The following ANKRD11 variants were observed in gnomAD, a reference collection of about 807,000 sequenced individuals.
The protein encoded by ANKRD11 is ankyrin repeat domain-containing protein 11.
A neutral mutation model predicts 195.7 loss-of-function variants in ANKRD11; 17 were observed. The observed-to-expected ratio is 0.09, with a 90% CI of 0.06 to 0.13. The LOEUF is 0.13. Among genes scored for constraint, ANKRD11 ranks in the 10% least tolerant of loss-of-function variants. The pLI, the probability that ANKRD11 is intolerant of heterozygous loss-of-function variation, is 1.00. For missense variants in ANKRD11, 3,735 were observed against 3,566.1 expected (o/e 1.05, Z -1.21); for synonymous variants, 1,953 against 1,528.1 (o/e 1.28, Z -6.49).
intron 1 of ANKRD11, among the ~76,000 whole-genome samples, chr16:89,460,969 A>ACCC (rs34732329): frequency 1.0e-4 from 6 of 58,988 alleles, no homozygotes; most frequent in African/African-American, 4.0e-4. Flanking sequence ...ATATCGTATG[A>ACCC]CCCCCCCCCC....
At chr16:89,474,827 G>A (rs1025019305) in intron 1 of ANKRD11, among the ~76,000 whole-genome samples, 1 of 152,164 alleles carries the variant, frequency 6.6e-6, no homozygotes, top group African/African-American at 2.4e-5. Flanking sequence ...TCAGAACACT[G>A]CATAACATCC....
chr16:89,465,032 T>C (rs895016214), intron 1 of ANKRD11, among the ~76,000 whole-genome samples: 4 of 152,180 alleles, frequency 2.6e-5, no homozygotes, highest in Admixed American at 6.5e-5. Flanking sequence ...AAAATAACAT[T>C]TTGTGGTAAG....
intron 2 of ANKRD11, among the ~76,000 whole-genome samples, chr16:89,405,240 T>C (rs2041858600): frequency 6.6e-6 from 1 of 152,136 alleles, no homozygotes; most frequent in Non-Finnish European, 1.5e-5. Flanking sequence ...GTACCACATA[T>C]GCGGTCTGTT....
intron 2 of ANKRD11, chr16:89,324,811 G>A (rs556863325): frequency 3.5e-6 from 1 of 285,312 alleles, no homozygotes; most frequent in South Asian, 3.1e-5. Flanking sequence ...TGAGGTTTGG[G>A]GACTCGGACT....
chr16:89,283,974 G>A lies in ANKRD11; in HGVS notation c.2568C>T (p.Asp856=). The A allele has an allele frequency of 1.2e-6, 2 of 1,614,122 alleles. No homozygotes were observed. The highest frequency in any genetic ancestry group is 8.5e-7 in the Non-Finnish European group (1 of 1,180,044). Residue 856 remains aspartate, a synonymous_variant, in exon 9 of 13, where the codon GAC becomes GAT. Transcript: ENST00000301030. The surrounding 1 kb of genome is among the most constrained non-coding windows in gnomAD (Gnocchi z 4.3). The part of the protein sequence containing the change: ...SDSSFDFKGE[D]SWDSPVTDYR... ...AGTCTGTCACTGGCGAGTCCCAGCT[G>A]TCCTCCCCTTTGAAATCAAAGGATG...
chr16:89,274,605 CG>C, intron 11 of ANKRD11: 1 of 702,372 alleles, frequency 1.4e-6, no homozygotes, highest in Non-Finnish European at 2.4e-6. Flanking sequence ...CTTGCCCGTG[CG>C]GGGAGCTGTC....
chr16:89,321,453 G>C (rs2037320233), intron 2 of ANKRD11, among the ~76,000 whole-genome samples: 1 of 143,006 alleles, frequency 7.0e-6, no homozygotes, highest in African/African-American at 2.5e-5. Context: ...TGTGGGGCGG[G>C]AGCTGCGGGG....
At chr16:89,431,249 T>C (rs1009285210) in intron 1 of ANKRD11, 7 of 152,462 alleles carry the variant, frequency 4.6e-5, no homozygotes, top group African/African-American at 1.7e-4. Flanking sequence ...ACAACATCTT[T>C]ACCCACATGT....
At chr16:89,401,019 G>A (rs1469817562) in intron 2 of ANKRD11, among the ~76,000 whole-genome samples, 7 of 152,300 alleles carry the variant, frequency 4.6e-5, no homozygotes, top group Admixed American at 3.9e-4. Context: ...GAGGCCCCGC[G>A]TGTGGGTGGA....
chr16:89,450,777 G>A (rs1232708404), intron 1 of ANKRD11, among the ~76,000 whole-genome samples: 3 of 152,072 alleles, frequency 2.0e-5, no homozygotes, highest in Non-Finnish European at 2.9e-5. Context: ...GATTACAGGC[G>A]TGAGCCACCA....
intron 2 of ANKRD11, among the ~76,000 whole-genome samples, chr16:89,344,210 G>A (rs1467313668): frequency 1.3e-5 from 2 of 152,158 alleles, no homozygotes; most frequent in Non-Finnish European, 2.9e-5. Context: ...CATCACTAGG[G>A]CTTAACGATC....
At position 89,283,755 on chromosome 16, in the gene ANKRD11, A is replaced by T. The variant is rs1260090384; in HGVS notation, c.2787T>A (p.Ser929Arg). 6.2e-7 allele frequency: 1 copy of T among 1,613,334 alleles called. No individual in the cohort carries two copies. Among genetic ancestry groups the T allele is most frequent in the East Asian group, 2.2e-5 (1 of 44,848 alleles). ...KRKEQTEKHK[S>R]VPGYLSEKDK... Reference sequence around the variant, plus strand: ...CCTTTTCCGAAAGGTAGCCAGGGACACTTTTATGCTTTTCGGTCTGCTCTT... The same window carrying T: ...CCTTTTCCGAAAGGTAGCCAGGGACTCTTTTATGCTTTTCGGTCTGCTCTT... The change falls in exon 9 of 13, where the codon AGT (serine) becomes AGA (arginine). Residue 929 changes from serine to arginine, a missense_variant. Ser to Arg is a moderately radical substitution (Grantham distance 110, BLOSUM62 -1). Coordinates refer to ENST00000301030, the MANE Select transcript of ANKRD11 (RefSeq NM_013275.6). This position sits in a 1 kb window ranked among gnomAD's most constrained non-coding sequence, Gnocchi z 4.3.
At chr16:89,479,125 G>A (rs1295532140) in intron 1 of ANKRD11, among the ~76,000 whole-genome samples, 2 of 152,046 alleles carry the variant, frequency 1.3e-5, no homozygotes, top group Non-Finnish European at 2.9e-5. Flanking sequence ...TCAACAGCAA[G>A]TCACGCCACC....
In ANKRD11 at chr16:89,282,461, G is replaced by A; in HGVS notation, c.4081C>T (p.His1361Tyr). 1 of 1,613,988 alleles carries A rather than the reference G, an allele frequency of 6.2e-7. No homozygotes were observed. The highest frequency in any genetic ancestry group is 8.5e-7 in the Non-Finnish European group (1 of 1,179,994). ...RHSSSSSKKSHDRERAKKEKA... is the reference protein window; with the variant it reads ...RHSSSSSKKSYDRERAKKEKA... Reference sequence around the variant, plus strand: ...TCTTTCTTGGCTCGCTCTCGGTCGTGGCTCTTCTTGGATGAAGATGAGGAG... The same window carrying A: ...TCTTTCTTGGCTCGCTCTCGGTCGTAGCTCTTCTTGGATGAAGATGAGGAG... Residue 1361 changes from histidine to tyrosine, a missense_variant, in exon 9 of 13, where the codon CAC (histidine) becomes TAC (tyrosine). By Grantham distance (83) the His-to-Tyr change is moderately conservative (BLOSUM62 2). Transcript: ENST00000301030.
At chr16:89,386,006 G>A (rs954502029) in intron 2 of ANKRD11, among the ~76,000 whole-genome samples, 1 of 152,230 alleles carries the variant, frequency 6.6e-6, no homozygotes, top group Non-Finnish European at 1.5e-5. Flanking sequence ...CAGCCTCCCA[G>A]GTAGCTGGGA....
chr16:89,306,991 C>T (rs983785084), intron 3 of ANKRD11, among the ~76,000 whole-genome samples: 1 of 151,658 alleles, frequency 6.6e-6, no homozygotes, highest in Non-Finnish European at 1.5e-5. Flanking sequence ...CGGTGCGACA[C>T]ACACAGCGCT....
chr16:89,310,369 A>G (rs540538985), intron 3 of ANKRD11, among the ~76,000 whole-genome samples: 1 of 152,316 alleles, frequency 6.6e-6, no homozygotes, highest in Admixed American at 6.5e-5. Flanking sequence ...ATGAAACTAC[A>G]CTGTCTGCAT....
intron 1 of ANKRD11, among the ~76,000 whole-genome samples, chr16:89,472,130 C>T (rs1048718833): frequency 6.6e-6 from 1 of 152,108 alleles, no homozygotes; most frequent in Admixed American, 6.6e-5. Flanking sequence ...TTTAGGGTTC[C>T]GAGTCTGAGA....
intron 2 of ANKRD11, among the ~76,000 whole-genome samples, chr16:89,340,876 T>C (rs1250367992): frequency 1.3e-5 from 2 of 151,840 alleles, no homozygotes; most frequent in Admixed American, 6.6e-5. Flanking sequence ...TCTCAGAGAG[T>C]CCAGACCTGA....
Sources: allele counts gnomAD v4.1 joint callset (sites outside exome capture counted in the v4.1 genomes callset), GRCh38; gene constraint gnomAD v4.1.1; non-coding constraint Gnocchi (gnomAD v3.1); transcripts MANE v1.5; gene names NCBI Gene and HGNC (gene_info 2026-07-23, HGNC 2026-07-21).